Variants in TMEM196 observed in about 807,000 individuals in gnomAD.
The protein encoded by TMEM196 is transmembrane protein 196.
Under a neutral mutation model 20.0 loss-of-function variants are expected in TMEM196, and 17 were observed. The ratio of observed to expected loss-of-function variants is 0.85; its 90% CI spans 0.58 to 1.27. The LOEUF is 1.27. Among genes scored for constraint, TMEM196 ranks in the 50% most tolerant of loss-of-function variants. The probability of loss-of-function intolerance (pLI) is 0.00; values close to 1 mark genes in which losing one functional copy is unlikely to be tolerated. For synonymous variants in TMEM196, 113 were observed against 88.9 expected, an observed-to-expected ratio of 1.27 and a Z score of -1.52; for missense variants, 267 against 223.0, an observed-to-expected ratio of 1.20 and a Z score of -1.26.
Position 19,728,972 on chromosome 7 carries a change from C to G in TMEM196, c.204+410G>C, listed in dbSNP as rs1394577820. Among the ~76,000 whole-genome samples the G allele has an allele frequency of 2.6e-5, 4 of 152,158 alleles. No homozygotes were observed. In the East Asian group the frequency reaches 7.7e-4, roughly 29 times the overall value. On this transcript the variant is annotated intron_variant, in intron 2 of 4. Transcript: ENST00000405844. ...TGCTTCGCAAAACTTGCTTCACAGT[C>G]AAAGAAAGCCAATAATCCTTAGGCC...
intron 1 of TMEM196, among the ~76,000 whole-genome samples, chr7:19,734,419 A>G (rs1053721112): frequency 4.6e-5 from 7 of 152,212 alleles, no homozygotes; most frequent in Non-Finnish European, 7.3e-5. Context: ...CATGAATATT[A>G]TAGGGTAAAA....
chr7:19,735,349 C>G (rs1196963054), intron 1 of TMEM196, among the ~76,000 whole-genome samples: 1 of 152,108 alleles, frequency 6.6e-6, no homozygotes, highest in Non-Finnish European at 1.5e-5. Flanking sequence ...TTTCCATTTT[C>G]TTAGCAAGAG....
chr7:19,730,114 G>C (rs1221803300), intron 1 of TMEM196, among the ~76,000 whole-genome samples: 1 of 152,084 alleles, frequency 6.6e-6, no homozygotes, highest in Non-Finnish European at 1.5e-5. Context: ...AAATTAGCCG[G>C]GCGTGGTGGC....
chr7:19,722,553 G>A (rs932232347), intron 4 of TMEM196, among the ~76,000 whole-genome samples: 4 of 152,050 alleles, frequency 2.6e-5, no homozygotes, highest in Non-Finnish European at 4.4e-5. Context: ...AAAATGTGTG[G>A]CCTTTTTGCT....
chr7:19,744,330 T>C (rs186604156), intron 1 of TMEM196, among the ~76,000 whole-genome samples: 28 of 152,298 alleles, frequency 1.8e-4, no homozygotes, highest in African/African-American at 6.5e-4. Context: ...TGTATGTCTT[T>C]GTAGTATTAT....
At chr7:19,723,791 T>C (rs963296912) in intron 4 of TMEM196, among the ~76,000 whole-genome samples, 2 of 152,194 alleles carry the variant, frequency 1.3e-5, no homozygotes, top group African/African-American at 4.8e-5. Context: ...ACGTGGGAAC[T>C]AAATTTAAAA....
intron 1 of TMEM196, among the ~76,000 whole-genome samples, chr7:19,767,263 A>G (rs1663043134): frequency 6.6e-6 from 1 of 152,104 alleles, no homozygotes; most frequent in African/African-American, 2.4e-5. Flanking sequence ...ATAAACACAT[A>G]TTTACATCTC....
chr7:19,733,457 G>C (rs1028197212), intron 1 of TMEM196, among the ~76,000 whole-genome samples: 2 of 152,182 alleles, frequency 1.3e-5, no homozygotes, highest in Non-Finnish European at 2.9e-5. Flanking sequence ...ACCTGTTGCA[G>C]AGTAAGGGAG....
At chr7:19,766,210 G>A (rs77683052) in intron 1 of TMEM196, among the ~76,000 whole-genome samples, 2,303 of 152,216 alleles carry the variant, frequency 0.015, 47 homozygotes, top group African/African-American at 0.054. Flanking sequence ...TAATCTGATT[G>A]TCATTTAATT....
At chr7:19,755,196 A>C (rs1195837530) in intron 1 of TMEM196, among the ~76,000 whole-genome samples, 1 of 152,194 alleles carries the variant, frequency 6.6e-6, no homozygotes. Context: ...AAAATCTAAC[A>C]AAATATTGTT....
At chr7:19,754,710 G>A (rs1363638726) in intron 1 of TMEM196, among the ~76,000 whole-genome samples, 1 of 152,076 alleles carries the variant, frequency 6.6e-6, no homozygotes, top group African/African-American at 2.4e-5. Context: ...AGAACCTCTA[G>A]GTGGCGACTC....
chr7:19,722,525 T>A (rs2128010895), intron 4 of TMEM196, among the ~76,000 whole-genome samples: 1 of 152,260 alleles, frequency 6.6e-6, no homozygotes, highest in Non-Finnish European at 1.5e-5. Context: ...ATTCTAGAGG[T>A]GACCTTTATT....
chr7:19,747,264 A>C (rs1189546363), intron 1 of TMEM196, among the ~76,000 whole-genome samples: 5 of 115,886 alleles, frequency 4.3e-5, no homozygotes, highest in Non-Finnish European at 8.0e-5. Context: ...CAAAAAAATA[A>C]ATAAATAAAA....
intron 4 of TMEM196, 47 bp from the exon 5 acceptor site, chr7:19,722,181 G>A: frequency 4.6e-6 from 7 of 1,526,728 alleles, no homozygotes; most frequent in Non-Finnish European, 6.3e-6. Flanking sequence ...TTTGGAGTAA[G>A]ACATTGTTTT....
At chr7:19,766,675 T>C (rs1785642031) in intron 1 of TMEM196, among the ~76,000 whole-genome samples, 2 of 151,628 alleles carry the variant, frequency 1.3e-5, no homozygotes, top group Non-Finnish European at 2.9e-5. Flanking sequence ...CTGTTGCAGT[T>C]TCTCTCACCT....
chr7:19,732,182 A>G (rs907499415), intron 1 of TMEM196, among the ~76,000 whole-genome samples: 1 of 152,258 alleles, frequency 6.6e-6, no homozygotes, highest in Non-Finnish European at 1.5e-5. Flanking sequence ...GACATGGTCC[A>G]GAGAGGTCCA....
intron 1 of TMEM196, among the ~76,000 whole-genome samples, chr7:19,756,370 T>C (rs1419214166): frequency 6.6e-6 from 1 of 152,108 alleles, no homozygotes; most frequent in Non-Finnish European, 1.5e-5. Flanking sequence ...TTTTAAACTT[T>C]TATTTTAAAA....
chr7:19,723,466 A>G (rs991781527), intron 4 of TMEM196, among the ~76,000 whole-genome samples: 2 of 152,180 alleles, frequency 1.3e-5, no homozygotes, highest in African/African-American at 2.4e-5. Flanking sequence ...TAGTAAAACA[A>G]TTTTTTAAAA....
chr7:19,722,143 A>C lies in TMEM196; in HGVS notation c.534-9T>G. ...ATGTTGTCTGTTATTTCCTGTTAGA[A>C]AAATGACATGATTAATTAAAATTCG... On this transcript the variant is annotated splice_polypyrimidine_tract_variant and intron_variant, in intron 4 of 4. Transcript: ENST00000405844. The C allele has an allele frequency of 6.2e-7, 1 of 1,603,804 alleles. No individual in the cohort carries two copies. Among genetic ancestry groups the C allele is most frequent in the Non-Finnish European group, 8.5e-7 (1 of 1,175,180 alleles).
Sources: gnomAD v4.1 joint callset for allele counts (sites outside exome capture counted in the v4.1 genomes callset) on GRCh38, gnomAD v4.1.1 for gene constraint, MANE v1.5 for transcripts, NCBI Gene and HGNC (gene_info 2026-07-23, HGNC 2026-07-21) for gene names.